Variants in DROSHA observed in about 807,000 individuals in gnomAD.
DROSHA encodes the protein drosha ribonuclease III.
In DROSHA, 56 loss-of-function variants were observed where a neutral mutation model predicts 181.9. The ratio of observed to expected loss-of-function variants is 0.31; its 90% CI spans 0.25 to 0.38. DROSHA has a LOEUF of 0.38. Ranked by LOEUF, DROSHA falls within the 10% of genes least tolerant of loss-of-function variation. DROSHA has a pLI of 1.00. For missense variants in DROSHA, 1,218 were observed against 1,743.5 expected, an observed-to-expected ratio of 0.70 and a Z score of 5.37; for synonymous variants, 524 against 591.2, an observed-to-expected ratio of 0.89 and a Z score of 1.65.
intron 11 of DROSHA, among the ~76,000 whole-genome samples, chr5:31,498,752 G>A (rs1274683956): frequency 6.6e-6 from 1 of 152,110 alleles, no homozygotes; most frequent in African/African-American, 2.4e-5. Context: ...AGCTACTTGG[G>A]AGGCTGAGGC....
rs16901095 is a variant in DROSHA, at chr5:31,407,297, T to C, written c.3855-352A>G. 0.015 allele frequency among the ~76,000 whole-genome samples: 2,275 copies of C among 152,342 alleles called. 132 individuals carry two copies. The East Asian group carries it at 0.21, about 14-fold the overall frequency. On this transcript the variant is annotated intron_variant, in intron 33 of 35. Transcript: ENST00000344624. The stretch of plus-strand genomic sequence containing the variant: ...TATCATGAAAAGTTAAGAGCTCCTG[T>C]CTATTGGTTTTCAGTGCTAATCACA...
chr5:31,424,338 TA>T, intron 28 of DROSHA, 88 bp downstream of exon 28: 1 of 1,482,402 alleles, frequency 6.7e-7, no homozygotes, highest in South Asian at 1.2e-5. Context: ...AATCAAAAGA[TA>T]AAAGTGGGGA....
intron 23 of DROSHA, among the ~76,000 whole-genome samples, chr5:31,439,973 T>C (rs1303596792): frequency 5.3e-5 from 8 of 151,976 alleles, no homozygotes; most frequent in African/African-American, 1.9e-4. Context: ...CCAACCCACA[T>C]CTCCCCAAAT....
intron 8 of DROSHA, among the ~76,000 whole-genome samples, 184 bp from the exon 9 acceptor site, chr5:31,511,360 C>T (rs17487575): frequency 0.36 from 54,810 of 152,104 alleles, 12,276 homozygotes; most frequent in Non-Finnish European, 0.5. Flanking sequence ...ATCAAACACA[C>T]ACTTATCGCT....
In DROSHA at chr5:31,470,087, CT is replaced by C. The variant is rs141877498; in HGVS notation, c.2241+1975del. Reference sequence around the variant, plus strand: ...GATTTTTTTCCTCCTTTAAGCATATCTTCAGATAAACAGTATAAAAGAATTA... The same window carrying C: ...GATTTTTTTCCTCCTTTAAGCATATCTCAGATAAACAGTATAAAAGAATTA... On this transcript the variant is annotated intron_variant, in intron 17 of 35. Transcript: ENST00000344624. This position sits in a 1 kb window ranked among gnomAD's most constrained non-coding sequence, Gnocchi z 4.0. Among the ~76,000 whole-genome samples, 2,525 of 152,262 alleles carry C rather than the reference CT, an allele frequency of 0.017. 27 individuals are homozygous for C. The highest frequency in any genetic ancestry group is 0.065 in the Middle Eastern group (19 of 294).
In DROSHA at chr5:31,438,054, G is replaced by A. The variant is rs559046492; in HGVS notation, c.2883-756C>T. 8.5e-4 allele frequency among the ~76,000 whole-genome samples: 130 copies of A among 152,232 alleles called. No individual in the cohort carries two copies. In the South Asian group the frequency reaches 9.1e-3, roughly 11 times the overall value. On this transcript the variant is annotated intron_variant, in intron 23 of 35. Transcript: ENST00000344624. The stretch of plus-strand genomic sequence containing the variant: ...CAGTGCACAGATCACACTTTATTTA[G>A]ACTTTAATTATATGATGAAGTCATA...
intron 13 of DROSHA, among the ~76,000 whole-genome samples, chr5:31,491,078 AT>A (rs869220398): frequency 6.6e-6 from 1 of 151,494 alleles, no homozygotes; most frequent in Non-Finnish European, 1.5e-5. Context: ...TAAAACTACT[AT>A]TTTTTTTAAA....
intron 30 of DROSHA, among the ~76,000 whole-genome samples, chr5:31,418,897 G>C (rs1742295466): frequency 6.6e-6 from 1 of 152,308 alleles, no homozygotes; most frequent in Non-Finnish European, 1.5e-5. Flanking sequence ...TGAGAAGGCA[G>C]CTAGGGCTGG....
chr5:31,408,694 C>G (rs1421529921), intron 33 of DROSHA: 1 of 191,642 alleles, frequency 5.2e-6, no homozygotes, highest in African/African-American at 2.4e-5. Flanking sequence ...TCTGGATGCA[C>G]AGCCCAGCAG....
At chr5:31,484,505 A>ATGTGTATG (rs1554038678) in intron 15 of DROSHA, among the ~76,000 whole-genome samples, 2 of 151,718 alleles carry the variant, frequency 1.3e-5, no homozygotes, top group African/African-American at 4.9e-5. Context: ...GCGTGTGTGC[A>ATGTGTATG]TGTGTGTGTT....
rs1259016592 is a variant in DROSHA at position 31,468,077 on chromosome 5, T to C, written c.2242-14A>G. 1 of 1,605,278 alleles carries C rather than the reference T, an allele frequency of 6.2e-7. No homozygotes were observed. The highest frequency in any genetic ancestry group is 8.5e-7 in the Non-Finnish European group (1 of 1,175,294). On this transcript the variant is annotated splice_polypyrimidine_tract_variant and intron_variant, in intron 17 of 35. Transcript: ENST00000344624. Reference sequence around the variant, plus strand: ...AGAGCTTGGTTTCTAGAGAGAAAAATCAAAGCCATTTATTCCCATAAGAAG... The same window carrying C: ...AGAGCTTGGTTTCTAGAGAGAAAAACCAAAGCCATTTATTCCCATAAGAAG...
chr5:31,506,806 G>A (rs1304144027), intron 10 of DROSHA, among the ~76,000 whole-genome samples: 1 of 152,156 alleles, frequency 6.6e-6, no homozygotes, highest in Non-Finnish European at 1.5e-5. Context: ...CTCCAGGGAA[G>A]CAGAGACATC....
chr5:31,444,326 G>A (rs1311247495), intron 23 of DROSHA, among the ~76,000 whole-genome samples: 1 of 152,078 alleles, frequency 6.6e-6, no homozygotes, highest in African/African-American at 2.4e-5. Flanking sequence ...CATATTCAAG[G>A]AAAGAGGCTC....
intron 13 of DROSHA, among the ~76,000 whole-genome samples, chr5:31,491,939 C>T (rs757334547): frequency 1.3e-5 from 2 of 152,128 alleles, no homozygotes; most frequent in Non-Finnish European, 2.9e-5. Context: ...GGTTTACAGA[C>T]GCACACCACC....
intron 15 of DROSHA, among the ~76,000 whole-genome samples, 155 bp downstream of exon 15, chr5:31,484,726 T>C (rs551757645): frequency 1.3e-5 from 2 of 152,322 alleles, no homozygotes; most frequent in African/African-American, 4.8e-5. Flanking sequence ...TCATGTCAAA[T>C]GATAACAAGC....
At chr5:31,417,013 A>G (rs1742026826) in intron 30 of DROSHA, among the ~76,000 whole-genome samples, 1 of 152,236 alleles carries the variant, frequency 6.6e-6, no homozygotes, top group African/African-American at 2.4e-5. Context: ...ATAGTAAACA[A>G]GTACATTACA....
intron 23 of DROSHA, among the ~76,000 whole-genome samples, chr5:31,441,610 C>T (rs1487561089): frequency 2.0e-5 from 3 of 152,070 alleles, no homozygotes; most frequent in Non-Finnish European, 2.9e-5. Flanking sequence ...GTCAAATACA[C>T]CAGAACTTCA....
intron 15 of DROSHA, among the ~76,000 whole-genome samples, chr5:31,484,504 C>CGTCTGTGT (rs369474665): frequency 4.8e-5 from 7 of 144,970 alleles, no homozygotes; most frequent in Non-Finnish European, 1.0e-4. Context: ...TGCGTGTGTG[C>CGTCTGTGT]ATGTGTGTGT....
At chr5:31,408,763 T>G in intron 33 of DROSHA, 1 of 268,970 alleles carries the variant, frequency 3.7e-6, no homozygotes, top group Non-Finnish European at 7.1e-6. Flanking sequence ...AATCCAAATT[T>G]TCTTTTTAAT....
Sources: allele counts gnomAD v4.1 joint callset (sites outside exome capture counted in the v4.1 genomes callset), GRCh38; gene constraint gnomAD v4.1.1; non-coding constraint Gnocchi (gnomAD v3.1); transcripts MANE v1.5; gene names NCBI Gene and HGNC (gene_info 2026-07-23, HGNC 2026-07-21).